Variants in ACBD6 observed in about 807,000 individuals in gnomAD.
ACBD6 encodes acyl-CoA-binding domain-containing protein 6.
A neutral mutation model predicts 37.2 loss-of-function variants in ACBD6; 28 were observed. The ratio of observed to expected loss-of-function variants is 0.75; its 90% CI spans 0.56 to 1.03. The LOEUF is 1.03. Ranked by LOEUF, ACBD6 falls within the 50% of genes least tolerant of loss-of-function variation. The pLI is 0.00. For synonymous variants in ACBD6, 113 were observed against 126.8 expected (o/e 0.89, Z 0.73); for missense variants, 340 against 337.4 (o/e 1.01, Z -0.06).
chr1:180,271,918 C>A, exon 14 of ACBD6: 2 of 1,613,352 alleles, frequency 1.2e-6, no homozygotes, highest in Non-Finnish European at 1.7e-6. Flanking sequence ...TCTATAAGAG[C>A]GTCAAGAGGA....
chr1:180,271,593 G>A (rs1648664184), exon 14 of ACBD6: 2 of 1,596,672 alleles, frequency 1.3e-6, no homozygotes, highest in Admixed American at 1.7e-5. Context: ...AGGGGTGGAA[G>A]GTATCCTGAG....
chr1:180,377,956 A>AATC (rs1015101304), intron 6 of ACBD6, among the ~76,000 whole-genome samples: 3 of 122,708 alleles, frequency 2.4e-5, no homozygotes, highest in Admixed American at 8.6e-5. Context: ...TCAAAATAAT[A>AATC]ATAATAATAA....
chr1:180,413,145 A>G (rs1424096045), intron 5 of ACBD6, among the ~76,000 whole-genome samples: 2 of 152,196 alleles, frequency 1.3e-5, no homozygotes, highest in Admixed American at 1.3e-4. Context: ...TCAGACTCCT[A>G]CAAATTTCAG....
At chr1:180,371,176 A>C (rs932062153) in intron 6 of ACBD6, among the ~76,000 whole-genome samples, 2 of 152,084 alleles carry the variant, frequency 1.3e-5, no homozygotes, top group African/African-American at 4.8e-5. Flanking sequence ...CATTTCACAG[A>C]TGATTATAAG....
At chr1:180,384,347 G>A (rs73048343) in intron 6 of ACBD6, among the ~76,000 whole-genome samples, 2,992 of 152,154 alleles carry the variant, frequency 0.02, 115 homozygotes, top group Admixed American at 0.052. Flanking sequence ...AGTAAAGGAT[G>A]TGAATAGACA....
intron 6 of ACBD6, among the ~76,000 whole-genome samples, chr1:180,337,154 G>A (rs971148726): frequency 6.6e-6 from 1 of 152,120 alleles, no homozygotes; most frequent in Non-Finnish European, 1.5e-5. Flanking sequence ...CTCATTTTAT[G>A]AGGCCAGCAT....
intron 6 of ACBD6, among the ~76,000 whole-genome samples, chr1:180,354,649 A>G (rs184597026): frequency 1.4e-3 from 220 of 152,278 alleles, no homozygotes; most frequent in African/African-American, 5.0e-3. Flanking sequence ...TCAAAGATAA[A>G]ACTATTTTGA....
At chr1:180,379,820 CA>C (rs1653572804) in intron 6 of ACBD6, among the ~76,000 whole-genome samples, 1 of 152,102 alleles carries the variant, frequency 6.6e-6, no homozygotes, top group Non-Finnish European at 1.5e-5. Context: ...AAAGAGAAAA[CA>C]AAAGGTTAGA....
intron 5 of ACBD6, among the ~76,000 whole-genome samples, chr1:180,400,684 G>A (rs1647314154): frequency 6.6e-6 from 1 of 152,068 alleles, no homozygotes; most frequent in South Asian, 2.1e-4. Flanking sequence ...CTATAAACAT[G>A]CTCTAATTTA....
intron 3 of ACBD6, among the ~76,000 whole-genome samples, chr1:180,440,260 CATG>C (rs1170945832): frequency 6.6e-6 from 1 of 152,070 alleles, no homozygotes; most frequent in Non-Finnish European, 1.5e-5. Context: ...AGATGCCCAC[CATG>C]ACACCCGACT....
chr1:180,302,725 G>C (rs1177389832), intron 7 of ACBD6, among the ~76,000 whole-genome samples: 6 of 150,566 alleles, frequency 4.0e-5, no homozygotes, highest in Non-Finnish European at 7.4e-5. Context: ...GGATATCCAG[G>C]AATTGAACTC....
intron 5 of ACBD6, among the ~76,000 whole-genome samples, chr1:180,405,995 CAAT>C (rs1196767076): frequency 6.6e-6 from 1 of 152,012 alleles, no homozygotes; most frequent in African/African-American, 2.4e-5. Context: ...ACTGAAAACA[CAAT>C]AAAAGTTGTA....
intron 6 of ACBD6, among the ~76,000 whole-genome samples, chr1:180,368,808 T>G (rs1324921597): frequency 2.0e-5 from 3 of 151,984 alleles, no homozygotes; most frequent in Non-Finnish European, 4.4e-5. Flanking sequence ...AACAACATAC[T>G]GTCATAAAAG....
chr1:180,419,563 AC>A (rs1158338739), intron 4 of ACBD6, among the ~76,000 whole-genome samples: 1 of 151,882 alleles, frequency 6.6e-6, no homozygotes, highest in Non-Finnish European at 1.5e-5. Flanking sequence ...GGGGGCACCG[AC>A]CCCCTGCATA....
intron 3 of ACBD6, among the ~76,000 whole-genome samples, chr1:180,457,639 A>G (rs999744752): frequency 6.6e-6 from 1 of 152,204 alleles, no homozygotes; most frequent in Non-Finnish European, 1.5e-5. Context: ...GCAAGAGGCT[A>G]ACATGAATCA....
chr1:180,492,048 A>G (rs1651525159), intron 3 of ACBD6, among the ~76,000 whole-genome samples: 1 of 152,160 alleles, frequency 6.6e-6, no homozygotes, highest in African/African-American at 2.4e-5. Flanking sequence ...ACCTCAGGTG[A>G]ACCACCTGGC....
rs193176954 is a variant in ACBD6, at chr1:180,446,251, G to A, written c.385-15989C>T. On this transcript the variant is annotated intron_variant, in intron 3 of 7. Transcript: ENST00000367595. ...TGGTCTTTAACTCCTGGGCTCAAGC[G>A]ATCTACCCACCTCAGCCTCCCTAAG... Among the ~76,000 whole-genome samples, 238 of 151,240 alleles carry A rather than the reference G, an allele frequency of 1.6e-3. 1 individual carries two copies. The highest frequency in any genetic ancestry group is 2.7e-3 in the Non-Finnish European group (186 of 67,834).
At chr1:180,423,972 A>C (rs773166660) in intron 4 of ACBD6, among the ~76,000 whole-genome samples, 7 of 152,216 alleles carry the variant, frequency 4.6e-5, no homozygotes, top group South Asian at 2.1e-4. Flanking sequence ...TGAAAGACCA[A>C]AGTCTCCAAT....
chr1:180,301,510 T>C (rs1049214062), intron 7 of ACBD6, among the ~76,000 whole-genome samples: 4 of 152,180 alleles, frequency 2.6e-5, no homozygotes, highest in Non-Finnish European at 4.4e-5. Flanking sequence ...TGATGCTGTA[T>C]GTTTATGTTG....
Sources: allele counts gnomAD v4.1 joint callset (sites outside exome capture counted in the v4.1 genomes callset), GRCh38; gene constraint gnomAD v4.1.1; transcripts MANE v1.5; gene names NCBI Gene and HGNC (gene_info 2026-07-23, HGNC 2026-07-21).